The following KAZN variants were observed in gnomAD, a reference collection of about 807,000 sequenced individuals.
KAZN encodes the protein kazrin.
KAZN carries 40 observed loss-of-function variants against 87.4 expected under a neutral mutation model. That is an observed-to-expected ratio of 0.46 (90% confidence interval 0.36 to 0.60). KAZN has a LOEUF of 0.60. Among genes scored for constraint, KAZN ranks in the 20% least tolerant of loss-of-function variants. KAZN has a pLI of 0.00. For synonymous variants in KAZN, 466 were observed against 458.3 expected (o/e 1.02, Z -0.22); for missense variants, 898 against 1,073.9 (o/e 0.84, Z 2.29).
At chr1:14,689,714 C>G (rs1164093404) in intron 1 of KAZN, among the ~76,000 whole-genome samples, 2 of 152,226 alleles carry the variant, frequency 1.3e-5, no homozygotes, top group Non-Finnish European at 2.9e-5. Context: ...GCCCAGATGG[C>G]AAGGGGCTGC....
intron 1 of KAZN, among the ~76,000 whole-genome samples, chr1:14,670,216 A>G (rs1639837320): frequency 1.3e-5 from 2 of 151,704 alleles, no homozygotes; most frequent in Non-Finnish European, 2.9e-5. Flanking sequence ...CTCTCCCCAC[A>G]AGATAGTTCA....
intron 1 of KAZN, among the ~76,000 whole-genome samples, chr1:14,132,364 C>T (rs6684998): frequency 0.57 from 86,816 of 151,916 alleles, 26,058 homozygotes; most frequent in East Asian, 0.76. Flanking sequence ...CGTGATACTA[C>T]CAGGGTCCTA....
intron 8 of KAZN, among the ~76,000 whole-genome samples, chr1:15,087,592 A>G (rs2100654993): frequency 6.6e-6 from 1 of 152,170 alleles, no homozygotes; most frequent in Admixed American, 6.5e-5. Flanking sequence ...ACGGGGTTTC[A>G]CCATGTCGGC....
At chr1:14,593,730 A>G (rs1193690112), upstream of KAZN, among the ~76,000 whole-genome samples, 1 of 152,230 alleles carries the variant, frequency 6.6e-6, no homozygotes, top group Non-Finnish European at 1.5e-5. Context: ...CTGAGGGATG[A>G]AAAGGAATCA....
Position 15,060,256 on chromosome 1 carries a change from C to G in KAZN, c.1001C>G (p.Pro334Arg). 6.2e-7 allele frequency: 1 copy of G among 1,614,232 alleles called. No individual in the cohort carries two copies. Among genetic ancestry groups the G allele is most frequent in the East Asian group, 2.2e-5 (1 of 44,874 alleles). ...SAAEGDRSSTPSDINSPRHRT... is the reference protein window; with the variant it reads ...SAAEGDRSSTRSDINSPRHRT... ...GCCGAAGGCGACCGGTCGTCCACAC[C>G]GAGCGACATCAACTCCCCTCGACAC... is the stretch of plus-strand genomic sequence containing the variant. Residue 334 changes from proline (P) to arginine (R), a missense_variant, in exon 6 of 15, where the codon CCG becomes CGG. Physicochemically the swap from Pro to Arg is moderately radical, Grantham distance 103. This residue lies in a region of KAZN where 521 missense variants were observed against 689.4 expected (regional missense o/e 0.76). Coordinates refer to ENST00000376030, the MANE Select transcript of KAZN (RefSeq NM_201628.3).
chr1:14,316,595 G>A (rs1655671095), intron 2 of KAZN, among the ~76,000 whole-genome samples: 1 of 151,262 alleles, frequency 6.6e-6, no homozygotes, highest in African/African-American at 2.4e-5. Context: ...ATGCATTTTG[G>A]GTTTAATCTG....
intron 2 of KAZN, among the ~76,000 whole-genome samples, chr1:14,393,070 T>C (rs915377319): frequency 1.3e-5 from 2 of 152,180 alleles, no homozygotes; most frequent in East Asian, 1.9e-4. Flanking sequence ...GCTGGCTCAT[T>C]TGTGCAAACT....
chr1:14,030,677 C>CACA (rs1641289085), intron 1 of KAZN, among the ~76,000 whole-genome samples: 2 of 140,684 alleles, frequency 1.4e-5, no homozygotes, highest in African/African-American at 5.1e-5. Flanking sequence ...CACACACACA[C>CACA]CAATCTATCC....
chr1:14,122,647 G>A (rs570346532), intron 1 of KAZN, among the ~76,000 whole-genome samples: 37 of 152,170 alleles, frequency 2.4e-4, no homozygotes, highest in African/African-American at 8.4e-4. Context: ...ATTGTCTCCC[G>A]GTTATAAAGT....
At chr1:14,514,334 A>ATATATATAT (rs1671090534) in intron 2 of KAZN, among the ~76,000 whole-genome samples, 1 of 50,718 alleles carries the variant, frequency 2.0e-5, no homozygotes, top group African/African-American at 7.3e-5. Context: ...CAAAAAATTT[A>ATATATATAT]TATATATATT....
chr1:14,331,216 C>T (rs945535297), intron 2 of KAZN, among the ~76,000 whole-genome samples: 6 of 152,136 alleles, frequency 3.9e-5, no homozygotes, highest in Middle Eastern at 3.2e-3. Context: ...AGACTGTACT[C>T]GGAAACAGTG....
In KAZN at chr1:13,969,151, G is replaced by T. The variant is rs533159238; in HGVS notation, c.91+75395G>T. Among the ~76,000 whole-genome samples, 5 of 152,286 alleles carry T rather than the reference G, an allele frequency of 3.3e-5. No homozygotes were observed. In the East Asian group the frequency reaches 9.7e-4, roughly 29 times the overall value. ...ACAAAAAACAAGTTTCTGCCCTCAG[G>T]AAGTTTATATTCTAGCTGGGGGATG... is the stretch of plus-strand genomic sequence containing the variant. On this transcript the variant is annotated intron_variant, in intron 1 of 16. Transcript: ENST00000636203.
chr1:13,934,335 C>T lies in KAZN; in HGVS notation c.91+40579C>T, dbSNP rs553555492. ...GCCACCATCTTGAGATGGCACTCCC[C>T]GGGGAAGCGTCTGGAAAGAGATGCC... On this transcript the variant is annotated intron_variant, in intron 1 of 16. Transcript: ENST00000636203. 1.6e-3 allele frequency among the ~76,000 whole-genome samples: 239 copies of T among 152,198 alleles called. 1 individual carries two copies. Among genetic ancestry groups the T allele is most frequent in the South Asian group, 9.8e-3 (47 of 4,806 alleles).
At chr1:14,765,547 C>T (rs2100567504) in intron 1 of KAZN, among the ~76,000 whole-genome samples, 1 of 152,214 alleles carries the variant, frequency 6.6e-6, no homozygotes, top group East Asian at 1.9e-4. Context: ...ATTTGGTGTG[C>T]AGATGTATTG....
In KAZN at chr1:14,812,294, A is replaced by G. The variant is rs941029809; in HGVS notation, c.227-148390A>G. 1.8e-4 allele frequency among the ~76,000 whole-genome samples: 28 copies of G among 152,244 alleles called. No individual in the cohort carries two copies. The South Asian group carries it at 3.5e-3, about 19-fold the overall frequency. The stretch of plus-strand genomic sequence containing the variant: ...GGGCTCACAGAGAGGAGCTCAGACT[A>G]CATTTCAACCCCTTCACTCCTTAGC... On this transcript the variant is annotated intron_variant, in intron 1 of 14. Transcript: ENST00000376030.
chr1:14,746,246 C>G (rs1644256846), intron 1 of KAZN, among the ~76,000 whole-genome samples: 1 of 147,674 alleles, frequency 6.8e-6, no homozygotes, highest in Admixed American at 6.8e-5. Context: ...ATTCCCCTAC[C>G]AAGTTCGTCA....
At chr1:14,532,797 A>C (rs972951262) in intron 2 of KAZN, among the ~76,000 whole-genome samples, 1 of 151,908 alleles carries the variant, frequency 6.6e-6, no homozygotes, top group Non-Finnish European at 1.5e-5. Flanking sequence ...AAAGGACATG[A>C]ACTCATCATT....
intron 1 of KAZN, among the ~76,000 whole-genome samples, chr1:14,698,350 C>T (rs1212492691): frequency 1.3e-5 from 2 of 152,144 alleles, no homozygotes; most frequent in African/African-American, 2.4e-5. Flanking sequence ...GGGCATCTGC[C>T]GCTTGATGCC....
chr1:14,272,268 C>T (rs1370504829), intron 2 of KAZN, among the ~76,000 whole-genome samples: 1 of 152,102 alleles, frequency 6.6e-6, no homozygotes, highest in Non-Finnish European at 1.5e-5. Context: ...TCTCCTGGGA[C>T]CTGTGGACTA....
Sources: gnomAD v4.1 joint callset for allele counts (sites outside exome capture counted in the v4.1 genomes callset) on GRCh38, gnomAD v4.1.1 for gene constraint, gnomAD v4.1.1 regional missense constraint, MANE v1.5 for transcripts, NCBI Gene and HGNC (gene_info 2026-07-23, HGNC 2026-07-21) for gene names.